GOLGA4: variants seen among roughly 807,000 people sequenced by gnomAD.
The protein encoded by GOLGA4 is golgin A4.
In GOLGA4, 169 loss-of-function variants were observed where a neutral mutation model predicts 265.9. The ratio of observed to expected loss-of-function variants is 0.64; its 90% CI spans 0.56 to 0.72. The LOEUF (loss-of-function observed/expected upper bound fraction) is 0.72. GOLGA4 is among the 30% of genes least tolerant of loss of function. The probability of loss-of-function intolerance (pLI) is 0.00; values close to 1 mark genes in which losing one functional copy is unlikely to be tolerated. For synonymous variants in GOLGA4, 923 were observed against 855.8 expected (o/e 1.08, Z -1.37); for missense variants, 2,482 against 2,483.4 (o/e 1.00, Z 0.01).
chr3:37,273,483 A>C (rs2150728141), intron 2 of GOLGA4: 1 of 965,422 alleles, frequency 1.0e-6, no homozygotes, highest in South Asian at 1.4e-5. Flanking sequence ...TAACAGTTTT[A>C]AACCTTTAGT....
At chr3:37,274,739 G>A (rs1240248720) in intron 2 of GOLGA4, among the ~76,000 whole-genome samples, 1 of 151,864 alleles carries the variant, frequency 6.6e-6, no homozygotes, top group African/African-American at 2.4e-5. Context: ...ATGAACATTT[G>A]CTGACTTTGG....
intron 23 of GOLGA4, among the ~76,000 whole-genome samples, chr3:37,364,871 G>T (rs1273351157): frequency 6.6e-6 from 1 of 151,852 alleles, no homozygotes; most frequent in Admixed American, 6.6e-5. Flanking sequence ...GGGATTATAG[G>T]CATAAGCCAC....
intron 2 of GOLGA4, among the ~76,000 whole-genome samples, chr3:37,263,020 G>C (rs182757108): frequency 1.3e-5 from 2 of 152,194 alleles, no homozygotes; most frequent in Admixed American, 6.5e-5. Context: ...CTCACTCACT[G>C]ACTCACCCAG....
At chr3:37,362,882 A>G (rs930140302) in intron 23 of GOLGA4, among the ~76,000 whole-genome samples, 6 of 146,500 alleles carry the variant, frequency 4.1e-5, no homozygotes, top group African/African-American at 1.5e-4. Context: ...TCCTGGGTTC[A>G]CACCATTCTC....
intron 22 of GOLGA4, among the ~76,000 whole-genome samples, chr3:37,359,496 G>A (rs565497371): frequency 6.6e-6 from 1 of 152,208 alleles, no homozygotes; most frequent in East Asian, 1.9e-4. Flanking sequence ...GGACATCACT[G>A]TTTTCTTGAT....
At position 37,326,065 on chromosome 3, in the gene GOLGA4, A is replaced by T; in HGVS notation, c.4179A>T (p.Glu1393Asp). 1 of 1,613,558 alleles carries T rather than the reference A, an allele frequency of 6.2e-7. No homozygotes were observed. The highest frequency in any genetic ancestry group is 8.5e-7 in the Non-Finnish European group (1 of 1,179,528). ...LQNSISLSEK[E>D]AAISSLRKQY... Reference sequence around the variant, plus strand: ...ATAGCATCAGCCTATCCGAAAAAGAAGCAGCCATTTCATCACTAAGAAAGC... The same window carrying T: ...ATAGCATCAGCCTATCCGAAAAAGATGCAGCCATTTCATCACTAAGAAAGC... Residue 1393 changes from glutamate to aspartate, a missense_variant, in exon 14 of 24, where the codon GAA becomes GAT. By Grantham distance (45) the Glu-to-Asp change is conservative. Around this residue, in one of 3 missense-constraint regions of GOLGA4, gnomAD observed 942 missense variants for 983.1 expected, o/e 0.96. Coordinates refer to ENST00000361924, the MANE Select transcript of GOLGA4 (RefSeq NM_002078.5).
chr3:37,243,782 G>A, intron 1 of GOLGA4, 160 bp downstream of exon 1: 1 of 616,234 alleles, frequency 1.6e-6, no homozygotes, highest in Non-Finnish European at 2.9e-6. Context: ...GGGCGGTGCA[G>A]GTCGTCCGTA....
Position 37,335,174 on chromosome 3 carries a change from G to A in GOLGA4, c.6306+8G>A, listed in dbSNP as rs775223605. 4 of 1,395,938 alleles carry A rather than the reference G, an allele frequency of 2.9e-6. No homozygotes were observed. The Admixed American group carries it at 7.1e-5, about 25-fold the overall frequency. The allele number at this position is 1,395,938 out of a possible 1,614,324, so 86.5% of individuals were successfully genotyped here. On this transcript the variant is annotated splice_region_variant and intron_variant, in intron 17 of 23. Coordinates refer to ENST00000361924, the MANE Select transcript of GOLGA4 (RefSeq NM_002078.5). ...AACCCTGGCAATGATAATGTGAGAG[G>A]AGTTTGAGTTTGCTGCACATGTTTC... is the stretch of plus-strand genomic sequence containing the variant.
Position 37,324,676 on chromosome 3 carries a change from A to G in GOLGA4, c.2790A>G (p.Lys930=). 6.2e-7 allele frequency: 1 copy of G among 1,612,828 alleles called. No homozygotes were observed. Among genetic ancestry groups the G allele is most frequent in the Admixed American group, 1.7e-5 (1 of 59,914 alleles). The part of the protein sequence containing the change: ...QKKEIEILTQ[K]LSAKEDSIHI... ...AAGAAATTGAGATACTCACACAGAA[A>G]TTGTCAGCCAAGGAGGACAGTATTC... Residue 930 remains lysine, a synonymous_variant, in exon 14 of 24, where the codon AAA becomes AAG. Coordinates refer to ENST00000361924, the MANE Select transcript of GOLGA4 (RefSeq NM_002078.5).
intron 23 of GOLGA4, among the ~76,000 whole-genome samples, chr3:37,362,147 G>A (rs1317161628): frequency 6.6e-6 from 1 of 151,836 alleles, no homozygotes; most frequent in Non-Finnish European, 1.5e-5. Context: ...GCTAATAATA[G>A]TATCAAGGTT....
At chr3:37,303,848 G>T (rs1208810030) in intron 10 of GOLGA4, among the ~76,000 whole-genome samples, 1 of 152,188 alleles carries the variant, frequency 6.6e-6, no homozygotes, top group Non-Finnish European at 1.5e-5. Context: ...CTTTAGTAAT[G>T]CTCTGCTCTA....
intron 19 of GOLGA4, among the ~76,000 whole-genome samples, chr3:37,339,890 A>G (rs1342922957): frequency 6.6e-6 from 1 of 151,552 alleles, no homozygotes; most frequent in Non-Finnish European, 1.5e-5. Context: ...GCAAAGTGTA[A>G]TTTATGTATT....
At chr3:37,266,048 A>T (rs201278082) in intron 2 of GOLGA4, among the ~76,000 whole-genome samples, 32,834 of 137,838 alleles carry the variant, frequency 0.24, 5,211 homozygotes, top group Non-Finnish European at 0.35. Context: ...AAAAAAAAAA[A>T]TTTTAACGTT....
rs752833495 is a variant in GOLGA4, at chr3:37,326,752, A to G, written c.4866A>G (p.Leu1622=). 1.6e-5 allele frequency: 26 copies of G among 1,613,630 alleles called. No individual in the cohort carries two copies. The highest frequency in any genetic ancestry group is 2.1e-5 in the Non-Finnish European group (25 of 1,179,590). ...NLSVKSKEEE[L]KALEDRLESE... ...GTGTGAAAAGCAAAGAGGAGGAGTT[A>G]AAGGCATTGGAAGATAGGCTTGAGT... Residue 1622 remains leucine (L), a synonymous_variant, in exon 14 of 24, where the codon TTA becomes TTG. Coordinates refer to ENST00000361924, the MANE Select transcript of GOLGA4 (RefSeq NM_002078.5).
intron 20 of GOLGA4, among the ~76,000 whole-genome samples, chr3:37,343,897 G>A (rs566155342): frequency 6.6e-5 from 10 of 152,246 alleles, no homozygotes; most frequent in African/African-American, 1.7e-4. Flanking sequence ...ATCACTTTTC[G>A]CCAGATTTTA....
chr3:37,294,326 GAATAT>G (rs923517888), intron 5 of GOLGA4, among the ~76,000 whole-genome samples: 29 of 151,540 alleles, frequency 1.9e-4, no homozygotes, highest in South Asian at 6.2e-4. Context: ...TAGATCAGAT[GAATAT>G]AATATAACAC....
intron 1 of GOLGA4, 116 bp downstream of exon 1, chr3:37,243,738 AC>A: frequency 1.2e-6 from 1 of 815,666 alleles, no homozygotes; most frequent in South Asian, 1.7e-5. Flanking sequence ...CCTAACCCGC[AC>A]TTTTCCCAAA....
intron 4 of GOLGA4, among the ~76,000 whole-genome samples, chr3:37,287,311 A>G (rs1321480956): frequency 1.3e-5 from 2 of 152,250 alleles, no homozygotes; most frequent in Admixed American, 6.5e-5. Flanking sequence ...ATTGCACTCC[A>G]GCCTGGGTGA....
Position 37,347,296 on chromosome 3 carries a change from G to A in GOLGA4, c.6576G>A (p.Lys2192=). 6.5e-7 allele frequency: 1 copy of A among 1,528,498 alleles called. No individual in the cohort carries two copies. Among genetic ancestry groups the A allele is most frequent in the Non-Finnish European group, 9.1e-7 (1 of 1,103,352 alleles). 94.7% of individuals were successfully genotyped at this position (1,528,498 alleles called of 1,614,324 possible). ...AGTATATGATGGGTCGTGAGACTAA[G>A]GTATAAATCATGTCTCGTGATTTGG... The part of the protein sequence containing the change: ...LFEYMMGRET[K]TMAKVITTVL... The change falls in exon 21 of 24, where the codon AAG becomes AAA. Residue 2192 remains lysine (K), a splice_region_variant and synonymous_variant. Coordinates refer to ENST00000361924, the MANE Select transcript of GOLGA4 (RefSeq NM_002078.5).
Sources: gnomAD v4.1 joint callset for allele counts (sites outside exome capture counted in the v4.1 genomes callset) on GRCh38, gnomAD v4.1.1 for gene constraint, gnomAD v4.1.1 regional missense constraint, MANE v1.5 for transcripts, NCBI Gene and HGNC (gene_info 2026-07-23, HGNC 2026-07-21) for gene names.